Variants in ITPR1 observed in about 807,000 individuals in gnomAD.
ITPR1 encodes inositol 1,4,5-trisphosphate-gated calcium channel ITPR1.
Under a neutral mutation model 318.4 loss-of-function variants are expected in ITPR1, and 96 were observed. The observed-to-expected ratio is 0.30, with a 90% CI of 0.26 to 0.36. ITPR1 has a LOEUF of 0.36. ITPR1 is among the 10% of genes least tolerant of loss of function. The probability of loss-of-function intolerance (pLI) is 1.00; values close to 1 mark genes in which losing one functional copy is unlikely to be tolerated. For missense variants in ITPR1, 2,440 were observed against 3,460.2 expected (o/e 0.71, Z 7.40); for synonymous variants, 1,312 against 1,289.9 (o/e 1.02, Z -0.37).
chr3:4,620,962 A>G (rs1435592665), intron 4 of ITPR1, among the ~76,000 whole-genome samples: 2 of 151,538 alleles, frequency 1.3e-5, no homozygotes, highest in Middle Eastern at 3.4e-3. Context: ...TGACTGTTCT[A>G]TATTTTCAAC....
intron 24 of ITPR1, among the ~76,000 whole-genome samples, chr3:4,677,885 G>A (rs1479504804): frequency 6.6e-6 from 1 of 150,954 alleles, no homozygotes; most frequent in African/African-American, 2.4e-5. Context: ...AGGCTTGGTC[G>A]TAGGCATGAA....
intron 57 of ITPR1, among the ~76,000 whole-genome samples, chr3:4,813,962 TC>T (rs1458307403): frequency 6.6e-6 from 1 of 152,240 alleles, no homozygotes; most frequent in African/African-American, 2.4e-5. Flanking sequence ...ATGAACAGCC[TC>T]CAATGTAAAG....
chr3:4,818,029 T>G, intron 59 of ITPR1, 53 bp from the exon 60 acceptor site: 2 of 1,485,958 alleles, frequency 1.3e-6, no homozygotes, highest in Non-Finnish European at 1.8e-6. Context: ...TTGATTTTTT[T>G]TCTTTACCAA....
chr3:4,846,188 C>G lies in ITPR1; in HGVS notation c.8240C>G (p.Pro2747Arg). The G allele has an allele frequency of 1.3e-6, 2 of 1,568,858 alleles. No homozygotes were observed. Among genetic ancestry groups the G allele is most frequent in the Non-Finnish European group, 1.7e-6 (2 of 1,155,828 alleles). Residue 2747 changes from proline (P) to arginine (R), a missense_variant, in exon 62 of 62, where the codon CCT becomes CGT. By Grantham distance (103) the Pro-to-Arg change is moderately radical. Coordinates refer to ENST00000649015, the MANE Select transcript of ITPR1 (RefSeq NM_001378452.1). Reference protein sequence around the residue: ...QKQRIGLLGHPPHMNVNPQQP... With the variant: ...QKQRIGLLGHRPHMNVNPQQP... Reference sequence around the variant, plus strand: ...CAAAGAATTGGTCTTCTAGGACATCCTCCTCACATGAATGTCAACCCACAA... The same window carrying G: ...CAAAGAATTGGTCTTCTAGGACATCGTCCTCACATGAATGTCAACCCACAA...
chr3:4,819,476 AGCTGCTG>A (rs1213952974), intron 60 of ITPR1, among the ~76,000 whole-genome samples: 2 of 152,244 alleles, frequency 1.3e-5, no homozygotes, highest in Non-Finnish European at 2.9e-5. Flanking sequence ...GAGATGCCGA[AGCTGCTG>A]GCCCGGGAAT....
At chr3:4,648,227 T>A (rs2093509603) in intron 10 of ITPR1, among the ~76,000 whole-genome samples, 1 of 152,188 alleles carries the variant, frequency 6.6e-6, no homozygotes, top group Non-Finnish European at 1.5e-5. Flanking sequence ...AAGGAATCTA[T>A]ATAAAGTTTT....
chr3:4,511,652 T>A (rs1037103933), intron 2 of ITPR1, among the ~76,000 whole-genome samples: 1 of 152,158 alleles, frequency 6.6e-6, no homozygotes, highest in African/African-American at 2.4e-5. Context: ...ATTCTCCCCA[T>A]TTTACAGCTG....
chr3:4,673,530 A>G, intron 21 of ITPR1, 143 bp downstream of exon 21: 1 of 899,210 alleles, frequency 1.1e-6, no homozygotes, highest in Non-Finnish European at 1.6e-6. Flanking sequence ...GATGGCAAAT[A>G]TTTTTTTCCT....
intron 6 of ITPR1, 139 bp downstream of exon 6, chr3:4,639,609 G>C: frequency 1.5e-6 from 1 of 664,296 alleles, no homozygotes; most frequent in Non-Finnish European, 2.7e-6. Flanking sequence ...AAAAAGTCTA[G>C]TGTTTCTTGT....
At chr3:4,818,672 G>A (rs2049469054) in intron 60 of ITPR1, among the ~76,000 whole-genome samples, 1 of 152,142 alleles carries the variant, frequency 6.6e-6, no homozygotes, top group Non-Finnish European at 1.5e-5. Flanking sequence ...GTCCAGCATG[G>A]TTTGTGTTTG....
At chr3:4,655,741 G>A (rs1462706056) in intron 12 of ITPR1, among the ~76,000 whole-genome samples, 1 of 152,162 alleles carries the variant, frequency 6.6e-6, no homozygotes, top group South Asian at 2.1e-4. Context: ...AGAGGCGGAT[G>A]TGCCAGCAGC....
At chr3:4,578,563 A>G (rs143671245) in intron 4 of ITPR1, among the ~76,000 whole-genome samples, 244 of 152,204 alleles carry the variant, frequency 1.6e-3, no homozygotes, top group Non-Finnish European at 2.2e-3. Flanking sequence ...CCACAGCCAG[A>G]AGGGGCTTTA....
At chr3:4,507,162 A>G (rs893496131) in intron 2 of ITPR1, among the ~76,000 whole-genome samples, 18 of 148,992 alleles carry the variant, frequency 1.2e-4, no homozygotes, top group African/African-American at 4.5e-4. Context: ...AGCCGGATTC[A>G]CAGATCATAT....
chr3:4,745,268 T>G (rs572672575), intron 44 of ITPR1, among the ~76,000 whole-genome samples: 19 of 152,078 alleles, frequency 1.2e-4, no homozygotes, highest in African/African-American at 4.6e-4. Context: ...GAGTCATCTC[T>G]GCTCTCCCCA....
chr3:4,791,699 G>A (rs2047568057), intron 52 of ITPR1, among the ~76,000 whole-genome samples: 1 of 152,182 alleles, frequency 6.6e-6, no homozygotes, highest in Non-Finnish European at 1.5e-5. Context: ...GACAACAACG[G>A]CATATTTTTA....
At chr3:4,765,273 C>G (rs1268754135) in intron 44 of ITPR1, among the ~76,000 whole-genome samples, 1 of 152,052 alleles carries the variant, frequency 6.6e-6, no homozygotes, top group African/African-American at 2.4e-5. Flanking sequence ...TGGATGGATC[C>G]TGAGCTGTAA....
chr3:4,696,653 A>C lies in ITPR1; in HGVS notation c.4282-494A>C, dbSNP rs2094562241. ...TTCTACGTCCTTGCTTCCTAATTGA[A>C]GTTGAGCCCCTTGCCGTGTGTTTTT... is the stretch of plus-strand genomic sequence containing the variant. On this transcript the variant is annotated intron_variant, in intron 33 of 61. Coordinates refer to ENST00000649015, the MANE Select transcript of ITPR1 (RefSeq NM_001378452.1). 2.0e-5 allele frequency among the ~76,000 whole-genome samples: 3 copies of C among 146,840 alleles called. No individual in the cohort carries two copies. The South Asian group carries it at 6.4e-4, about 32-fold the overall frequency.
At chr3:4,639,358 G>GAA (rs1242426457) in intron 5 of ITPR1, 26 bp from the exon 6 acceptor site, 1 of 1,524,504 alleles carries the variant, frequency 6.6e-7, no homozygotes, top group Non-Finnish European at 8.9e-7. Flanking sequence ...TCCTCTTTGT[G>GAA]ATCAATCTTT....
At chr3:4,614,566 T>C (rs765797257) in intron 4 of ITPR1, among the ~76,000 whole-genome samples, 1 of 152,218 alleles carries the variant, frequency 6.6e-6, no homozygotes, top group Non-Finnish European at 1.5e-5. Flanking sequence ...TTCCCCCAAA[T>C]CATACAGCTC....
Sources: allele counts gnomAD v4.1 joint callset (sites outside exome capture counted in the v4.1 genomes callset), GRCh38; gene constraint gnomAD v4.1.1; transcripts MANE v1.5; gene names NCBI Gene and HGNC (gene_info 2026-07-23, HGNC 2026-07-21).